The following NRG3 variants were observed in gnomAD, a reference collection of about 807,000 sequenced individuals.
NRG3 encodes neuregulin 3.
NRG3 carries 31 observed loss-of-function variants against 66.9 expected under a neutral mutation model. That is an observed-to-expected ratio of 0.46 (90% CI 0.35 to 0.63). The LOEUF (loss-of-function observed/expected upper bound fraction) is 0.63, where lower values mean the gene tolerates loss of function less well. Ranked by LOEUF, NRG3 falls within the 20% of genes least tolerant of loss-of-function variation. The pLI, the probability that NRG3 is intolerant of heterozygous loss-of-function variation, is 0.00. For synonymous variants in NRG3, 393 were observed against 359.4 expected, an observed-to-expected ratio of 1.09 and a Z score of -1.06; for missense variants, 910 against 878.9, an observed-to-expected ratio of 1.04 and a Z score of -0.45.
At chr10:82,148,952 G>A (rs1238594192) in intron 1 of NRG3, among the ~76,000 whole-genome samples, 1 of 152,012 alleles carries the variant, frequency 6.6e-6, no homozygotes, top group Non-Finnish European at 1.5e-5. Context: ...ACCACCACAG[G>A]TGGGGGTGAG....
chr10:82,119,106 A>G (rs952604434), intron 1 of NRG3, among the ~76,000 whole-genome samples: 4 of 152,240 alleles, frequency 2.6e-5, no homozygotes, highest in Non-Finnish European at 4.4e-5. Context: ...ATACTTAAAT[A>G]AATGTAACAA....
At chr10:82,434,280 A>G (rs984360001) in intron 2 of NRG3, among the ~76,000 whole-genome samples, 11 of 151,926 alleles carry the variant, frequency 7.2e-5, no homozygotes, top group Admixed American at 3.3e-4. Flanking sequence ...AATGCTTGTG[A>G]TTTTTGCACA....
At chr10:82,425,420 T>C (rs2089361654) in intron 2 of NRG3, among the ~76,000 whole-genome samples, 2 of 151,964 alleles carry the variant, frequency 1.3e-5, no homozygotes, top group African/African-American at 4.8e-5. Flanking sequence ...TTTTTTAGAG[T>C]TTCCATTTCT....
intron 2 of NRG3, among the ~76,000 whole-genome samples, chr10:82,540,255 A>G (rs1050990997): frequency 5.9e-5 from 9 of 151,588 alleles, no homozygotes; most frequent in Admixed American, 3.3e-4. Flanking sequence ...AATTGTCCCA[A>G]TATGCTTTAG....
intron 1 of NRG3, among the ~76,000 whole-genome samples, chr10:82,215,091 G>C (rs1049887754): frequency 1.3e-5 from 2 of 152,112 alleles, no homozygotes; most frequent in East Asian, 3.9e-4. Context: ...ACAATGAGTA[G>C]AAATTAATTT....
chr10:82,949,321 C>T (rs1007464295), intron 4 of NRG3, among the ~76,000 whole-genome samples: 2 of 151,206 alleles, frequency 1.3e-5, no homozygotes, highest in African/African-American at 4.9e-5. Context: ...GCAATGAGGG[C>T]TATTTATCTG....
intron 3 of NRG3, chr10:82,827,326 T>C: frequency 3.5e-6 from 1 of 287,820 alleles, no homozygotes; most frequent in Non-Finnish European, 6.8e-6. Flanking sequence ...GTGACTTGCC[T>C]TTGGCCCATC....
intron 2 of NRG3, among the ~76,000 whole-genome samples, chr10:82,484,780 A>G (rs1842549563): frequency 6.6e-6 from 1 of 152,198 alleles, no homozygotes; most frequent in Non-Finnish European, 1.5e-5. Context: ...GTTGGCAAAG[A>G]ATATAGTTGG....
intron 2 of NRG3, among the ~76,000 whole-genome samples, chr10:82,581,041 G>A (rs957791627): frequency 6.6e-6 from 1 of 151,834 alleles, no homozygotes; most frequent in African/African-American, 2.4e-5. Context: ...CTCTCAAAGT[G>A]GTTGTACCAT....
At chr10:82,143,425 C>T (rs2069974538) in intron 1 of NRG3, among the ~76,000 whole-genome samples, 1 of 152,204 alleles carries the variant, frequency 6.6e-6, no homozygotes, top group Non-Finnish European at 1.5e-5. Flanking sequence ...ACTGCAATTA[C>T]ATACTGTGCA....
At chr10:82,889,583 C>A (rs1471123835) in intron 4 of NRG3, among the ~76,000 whole-genome samples, 1 of 152,088 alleles carries the variant, frequency 6.6e-6, no homozygotes. Flanking sequence ...TTAGAATGGT[C>A]TAGATTTAAA....
intron 1 of NRG3, among the ~76,000 whole-genome samples, chr10:82,129,364 A>C (rs1259206020): frequency 6.6e-6 from 1 of 152,062 alleles, no homozygotes; most frequent in East Asian, 1.9e-4. Flanking sequence ...TTAGTCTTAG[A>C]ACTCCTTTCA....
chr10:82,818,976 G>C (rs986291558), intron 3 of NRG3, among the ~76,000 whole-genome samples: 1 of 152,168 alleles, frequency 6.6e-6, no homozygotes, highest in African/African-American at 2.4e-5. Flanking sequence ...AAATAAAAAA[G>C]TGGATTTACT....
chr10:82,232,285 G>A (rs1003681358), intron 1 of NRG3: 13 of 154,188 alleles, frequency 8.4e-5, no homozygotes, highest in African/African-American at 1.7e-4. Context: ...ATAAATTAAC[G>A]TCTTATGATG....
intron 1 of NRG3, among the ~76,000 whole-genome samples, chr10:82,268,469 C>CACCA (rs1292506854): frequency 6.6e-6 from 1 of 152,098 alleles, no homozygotes; most frequent in African/African-American, 2.4e-5. Context: ...CATCACATCC[C>CACCA]ACCATTCTGA....
intron 1 of NRG3, among the ~76,000 whole-genome samples, chr10:82,304,983 CTTTTTTTTTT>C (rs760661674): frequency 2.2e-3 from 160 of 73,868 alleles, no homozygotes; most frequent in African/African-American, 8.4e-3. Context: ...TCAGATTCCT[CTTTTTTTTTT>C]TTTTTTTTTT....
At chr10:81,912,658 G>T (rs1195328596) in intron 1 of NRG3, among the ~76,000 whole-genome samples, 1 of 152,178 alleles carries the variant, frequency 6.6e-6, no homozygotes, top group Non-Finnish European at 1.5e-5. Flanking sequence ...TTTGGTGAAT[G>T]ACATTTATGG....
At chr10:82,708,915 T>C (rs754726493) in intron 2 of NRG3, among the ~76,000 whole-genome samples, 1 of 152,124 alleles carries the variant, frequency 6.6e-6, no homozygotes, top group African/African-American at 2.4e-5. Context: ...TTCTTGGTGC[T>C]CATATATCTT....
intron 3 of NRG3, among the ~76,000 whole-genome samples, chr10:82,750,004 G>C (rs191792253): frequency 2.3e-4 from 35 of 152,222 alleles, no homozygotes; most frequent in Admixed American, 1.9e-3. Flanking sequence ...TGTGTCACTA[G>C]ACAGACACAA....
Sources: allele counts gnomAD v4.1 joint callset (sites outside exome capture counted in the v4.1 genomes callset), GRCh38; gene constraint gnomAD v4.1.1; transcripts MANE v1.5; gene names NCBI Gene and HGNC (gene_info 2026-07-23, HGNC 2026-07-21).